DYRK1A: variants seen among roughly 807,000 people sequenced by gnomAD.
The protein encoded by DYRK1A is dual specificity tyrosine phosphorylation regulated kinase 1A, also known as dual specificity tyrosine-phosphorylation-regulated kinase 1A.
DYRK1A carries 9 observed loss-of-function variants against 79.7 expected under a neutral mutation model. The ratio of observed to expected loss-of-function variants is 0.11; its 90% CI spans 0.07 to 0.20. DYRK1A has a LOEUF of 0.20. Ranked by LOEUF, DYRK1A falls within the 10% of genes least tolerant of loss-of-function variation. The pLI, the probability that DYRK1A is intolerant of heterozygous loss-of-function variation, is 1.00. For synonymous variants in DYRK1A, 349 were observed against 329.7 expected (o/e 1.06, Z -0.63); for missense variants, 622 against 956.0 (o/e 0.65, Z 4.61).
chr21:37,423,389 C>CA (rs1375413646), intron 2 of DYRK1A, among the ~76,000 whole-genome samples: 5 of 152,132 alleles, frequency 3.3e-5, no homozygotes, highest in African/African-American at 1.2e-4. Flanking sequence ...GGGAACCTAG[C>CA]AACCACTCTT....
Position 37,514,215 on chromosome 21 carries a change from T to A in DYRK1A, c.*1684T>A, listed in dbSNP as rs988447947. On this transcript the variant is annotated 3_prime_UTR_variant, in exon 12 of 12. Transcript: ENST00000647188. Reference sequence around the variant, plus strand: ...AGTATGAGTGCAAGCAAAGCAGAACTCTCATGCGTGACCTGAGCAGACAGG... The same window carrying A: ...AGTATGAGTGCAAGCAAAGCAGAACACTCATGCGTGACCTGAGCAGACAGG... 6.6e-6 allele frequency: 1 copy of A among 152,628 alleles called. No individual in the cohort carries two copies. The highest frequency in any genetic ancestry group is 6.5e-5 in the Admixed American group (1 of 15,282). 9.5% of individuals were successfully genotyped at this position (152,628 alleles called of 1,614,324 possible). A position where few individuals can be genotyped will look rare whatever the true frequency, so the allele number is the denominator to read the frequency against.
chr21:37,415,577 A>G (rs1334391333), intron 1 of DYRK1A: 2 of 151,854 alleles, frequency 1.3e-5, no homozygotes, highest in African/African-American at 2.4e-5. Flanking sequence ...TGATCCTCCC[A>G]CGTTAGCCTC....
chr21:37,435,270 CCTGA>C (rs894221752), intron 2 of DYRK1A, among the ~76,000 whole-genome samples: 6 of 152,170 alleles, frequency 3.9e-5, no homozygotes, highest in South Asian at 2.1e-4. Context: ...TGGCTAGCAT[CCTGA>C]CTAACAGTTC....
chr21:37,497,401 T>A (rs2053304249), intron 9 of DYRK1A, among the ~76,000 whole-genome samples: 1 of 152,200 alleles, frequency 6.6e-6, no homozygotes. Context: ...AAGGAAAGGA[T>A]GGAAAATGCC....
intron 2 of DYRK1A, among the ~76,000 whole-genome samples, chr21:37,442,856 A>G (rs2051149856): frequency 1.3e-5 from 2 of 152,226 alleles, no homozygotes; most frequent in Middle Eastern, 3.4e-3. Flanking sequence ...TTGTTTTGAG[A>G]CAGGGTCTCA....
intron 9 of DYRK1A, 60 bp from the exon 10 acceptor site, chr21:37,505,222 TA>T: frequency 7.6e-7 from 1 of 1,308,250 alleles, no homozygotes; most frequent in Non-Finnish European, 1.1e-6. Flanking sequence ...GAAATTCAAT[TA>T]TGTGAGTGTT....
chr21:37,443,804 T>C (rs971645530), intron 2 of DYRK1A, among the ~76,000 whole-genome samples: 1 of 152,160 alleles, frequency 6.6e-6, no homozygotes, highest in African/African-American at 2.4e-5. Flanking sequence ...CCTGTGTGTG[T>C]GTCTGTCTCT....
chr21:37,473,943 G>T (rs1312147897), intron 3 of DYRK1A, among the ~76,000 whole-genome samples: 1 of 152,148 alleles, frequency 6.6e-6, no homozygotes, highest in African/African-American at 2.4e-5. Context: ...GAAGAAAACT[G>T]CCTGGAAATC....
At chr21:37,480,059 G>A (rs2248244) in intron 4 of DYRK1A, among the ~76,000 whole-genome samples, 42,933 of 151,990 alleles carry the variant, frequency 0.28, 6,219 homozygotes, top group South Asian at 0.38. Flanking sequence ...AACTGGGCAT[G>A]TCTCAGAGGG....
chr21:37,479,606 G>GTTTTTT lies in DYRK1A; in HGVS notation c.301-1027_301-1026insTTTTTT, dbSNP rs1183029117. Among the ~76,000 whole-genome samples the GTTTTTT allele has an allele frequency of 4.3e-3, 118 of 27,584 alleles. 15 individuals are homozygous for GTTTTTT. The highest frequency in any genetic ancestry group is 0.024 in the East Asian group (21 of 878). 18.1% of individuals were successfully genotyped at this position (27,584 alleles called of 152,430 possible). A position where few individuals can be genotyped will look rare whatever the true frequency, so the allele number is the denominator to read the frequency against. On this transcript the variant is annotated intron_variant, in intron 4 of 11. Transcript: ENST00000647188. ...GTGTTGGTGTTTTGTTTTTGTTTTTGTTTTTGTTTTTTGTTTTTTTTTTTT... is the reference window on the plus strand; with the variant it reads ...GTGTTGGTGTTTTGTTTTTGTTTTTGTTTTTTTTTTTGTTTTTTGTTTTTTTTTTTT...
Position 37,515,362 on chromosome 21 carries a change from T to A in DYRK1A, c.*2831T>A, listed in dbSNP as rs1004459096. The A allele has an allele frequency of 6.6e-6, 1 of 152,660 alleles. No homozygotes were observed. Among genetic ancestry groups the A allele is most frequent in the South Asian group, 2.1e-4 (1 of 4,816 alleles). 9.5% of individuals were successfully genotyped at this position (152,660 alleles called of 1,614,324 possible). A position where few individuals can be genotyped will look rare whatever the true frequency, so the allele number is the denominator to read the frequency against. On this transcript the variant is annotated 3_prime_UTR_variant, in exon 12 of 12. Transcript: ENST00000647188. ...ATCAGCAATCTCTGAAAGTAAAAAT[T>A]GGAGGTTTAACAGATCATTTTGATT...
At chr21:37,470,196 CT>C (rs1383705881) in intron 2 of DYRK1A, among the ~76,000 whole-genome samples, 1 of 151,968 alleles carries the variant, frequency 6.6e-6, no homozygotes, top group African/African-American at 2.4e-5. Context: ...ATAGTAGTAA[CT>C]TTTGAGGAAG....
chr21:37,491,423 C>A (rs570528193), intron 7 of DYRK1A, among the ~76,000 whole-genome samples: 2 of 152,144 alleles, frequency 1.3e-5, no homozygotes, highest in African/African-American at 2.4e-5. Flanking sequence ...GGCTAACATA[C>A]AGATGTTAAT....
intron 1 of DYRK1A, among the ~76,000 whole-genome samples, chr21:37,409,475 C>G (rs956659311): frequency 6.6e-6 from 1 of 152,054 alleles, no homozygotes; most frequent in African/African-American, 2.4e-5. Context: ...TTTTTAAAAA[C>G]AAATATATTT....
At chr21:37,500,535 T>G (rs2053410542) in intron 9 of DYRK1A, among the ~76,000 whole-genome samples, 1 of 152,186 alleles carries the variant, frequency 6.6e-6, no homozygotes, top group Admixed American at 6.5e-5. Context: ...TGTATATGAT[T>G]GGTTGGCATT....
At chr21:37,426,271 CAA>C (rs906213911) in intron 2 of DYRK1A, among the ~76,000 whole-genome samples, 1 of 152,082 alleles carries the variant, frequency 6.6e-6, no homozygotes, top group Non-Finnish European at 1.5e-5. Context: ...CCAGTTTCCC[CAA>C]AGTTTTTTAT....
chr21:37,471,206 A>G (rs527675194), intron 2 of DYRK1A, among the ~76,000 whole-genome samples: 32 of 152,336 alleles, frequency 2.1e-4, no homozygotes, highest in Non-Finnish European at 4.3e-4. Context: ...ATATGTGGTG[A>G]TGTAGATGAA....
At chr21:37,379,911 G>A (rs2148368156) in intron 1 of DYRK1A, among the ~76,000 whole-genome samples, 1 of 152,334 alleles carries the variant, frequency 6.6e-6, no homozygotes, top group Admixed American at 6.5e-5. Context: ...GGGAATCAGT[G>A]CTGAAACAAA....
At chr21:37,395,470 G>A (rs1239696178) in intron 1 of DYRK1A, among the ~76,000 whole-genome samples, 1 of 152,068 alleles carries the variant, frequency 6.6e-6, no homozygotes, top group Non-Finnish European at 1.5e-5. Flanking sequence ...TGTTAATCAT[G>A]GTTTGTGGCC....
Sources: gnomAD v4.1 joint callset for allele counts (sites outside exome capture counted in the v4.1 genomes callset) on GRCh38, gnomAD v4.1.1 for gene constraint, MANE v1.5 for transcripts, NCBI Gene and HGNC (gene_info 2026-07-23, HGNC 2026-07-21) for gene names.